The following PLPPR1 variants were observed in gnomAD, a reference collection of about 807,000 sequenced individuals.
PLPPR1 encodes the protein phospholipid phosphatase related 1.
PLPPR1 carries 10 observed loss-of-function variants against 33.1 expected under a neutral mutation model. The ratio of observed to expected loss-of-function variants is 0.30; its 90% CI spans 0.19 to 0.51. The LOEUF is 0.51. PLPPR1 is among the 20% of genes least tolerant of loss of function. The probability of loss-of-function intolerance (pLI) is 0.97; values close to 1 mark genes in which losing one functional copy is unlikely to be tolerated. For missense variants in PLPPR1, 304 were observed against 408.1 expected (o/e 0.74, Z 2.20); for synonymous variants, 151 against 151.0 (o/e 1.00, Z 0.00).
intron 1 of PLPPR1, among the ~76,000 whole-genome samples, chr9:101,067,828 G>A (rs562503806): frequency 1.2e-4 from 19 of 152,178 alleles, no homozygotes; most frequent in African/African-American, 3.9e-4. Context: ...GAAAAGCCAT[G>A]TGTTTAAATC....
chr9:101,184,451 T>C (rs1333969910), intron 1 of PLPPR1, among the ~76,000 whole-genome samples: 1 of 151,948 alleles, frequency 6.6e-6, no homozygotes, highest in Non-Finnish European at 1.5e-5. Context: ...GCCATTCAAA[T>C]AGACTGGTAC....
chr9:101,225,305 A>G (rs961403857), intron 2 of PLPPR1, among the ~76,000 whole-genome samples: 1 of 152,190 alleles, frequency 6.6e-6, no homozygotes, highest in African/African-American at 2.4e-5. Flanking sequence ...AATACATGAC[A>G]TCTTTAATGT....
At chr9:101,221,711 C>T (rs1259233085) in intron 2 of PLPPR1, among the ~76,000 whole-genome samples, 13 of 152,108 alleles carry the variant, frequency 8.5e-5, no homozygotes, top group African/African-American at 3.1e-4. Flanking sequence ...CTGCAGGAAG[C>T]AGTACACAGG....
chr9:101,144,912 C>T (rs77610314), intron 1 of PLPPR1, among the ~76,000 whole-genome samples: 1 of 152,148 alleles, frequency 6.6e-6, no homozygotes, highest in Admixed American at 6.6e-5. Context: ...TTTCAACATG[C>T]CAAATACTTT....
chr9:101,274,871 G>T (rs969555835), intron 3 of PLPPR1, among the ~76,000 whole-genome samples: 4 of 152,142 alleles, frequency 2.6e-5, no homozygotes, highest in Non-Finnish European at 4.4e-5. Flanking sequence ...TGTGGGTTCA[G>T]TTTCCTCATC....
At chr9:101,065,935 CT>C (rs1286300206) in intron 1 of PLPPR1, among the ~76,000 whole-genome samples, 1 of 152,032 alleles carries the variant, frequency 6.6e-6, no homozygotes, top group African/African-American at 2.4e-5. Flanking sequence ...TACTATGGTA[CT>C]TTTGTCCCAA....
chr9:101,219,044 T>G (rs1357290095), intron 2 of PLPPR1, among the ~76,000 whole-genome samples: 1 of 152,184 alleles, frequency 6.6e-6, no homozygotes, highest in Non-Finnish European at 1.5e-5. Flanking sequence ...GAGGAAAGGA[T>G]AGTTTTTAAA....
intron 1 of PLPPR1, among the ~76,000 whole-genome samples, chr9:101,036,816 G>A (rs1197590924): frequency 2.6e-5 from 4 of 151,664 alleles, no homozygotes; most frequent in African/African-American, 9.7e-5. Flanking sequence ...TGTACCATAC[G>A]AGCTACTACT....
chr9:101,090,974 C>G (rs1830734230), intron 1 of PLPPR1, among the ~76,000 whole-genome samples: 1 of 151,720 alleles, frequency 6.6e-6, no homozygotes, highest in Non-Finnish European at 1.5e-5. Flanking sequence ...TCCCCTCCTC[C>G]CTTTTCTTCT....
chr9:101,145,472 C>T (rs1022901548), intron 1 of PLPPR1, among the ~76,000 whole-genome samples: 1 of 152,040 alleles, frequency 6.6e-6, no homozygotes, highest in Non-Finnish European at 1.5e-5. Context: ...ACCTCCGCCT[C>T]CCAGGTTCAA....
chr9:101,152,687 G>T lies in PLPPR1; in HGVS notation c.-45-32763G>T, dbSNP rs943659188. Among the ~76,000 whole-genome samples, 8 of 151,890 alleles carry T rather than the reference G, an allele frequency of 5.3e-5. No homozygotes were observed. In the South Asian group the frequency reaches 1.3e-3, roughly 24 times the overall value. ...TCCCCATTTCTTGTTTTTGTCAGGT[G>T]TGTCAAAGGTCAGATGGTGGTAGAT... On this transcript the variant is annotated intron_variant, in intron 1 of 7. Transcript: ENST00000374874.
chr9:101,098,393 A>C (rs1265646589), intron 1 of PLPPR1, among the ~76,000 whole-genome samples: 1 of 152,108 alleles, frequency 6.6e-6, no homozygotes, highest in Admixed American at 6.5e-5. Context: ...CAATCGAGGC[A>C]CTTCTGCAAC....
chr9:101,039,583 C>T (rs1197300738), intron 1 of PLPPR1, among the ~76,000 whole-genome samples: 1 of 152,210 alleles, frequency 6.6e-6, no homozygotes, highest in South Asian at 2.1e-4. Context: ...TAAAGACATA[C>T]CTGAGACTGG....
At chr9:101,072,118 G>A (rs1273131928) in intron 1 of PLPPR1, among the ~76,000 whole-genome samples, 1 of 152,074 alleles carries the variant, frequency 6.6e-6, no homozygotes, top group Non-Finnish European at 1.5e-5. Flanking sequence ...TAGTTAGATA[G>A]CCTATTTACT....
Position 101,251,169 on chromosome 9 carries a change from C to G in PLPPR1, c.64-18711C>G, listed in dbSNP as rs187727629. Among the ~76,000 whole-genome samples the G allele has an allele frequency of 3.0e-4, 45 of 152,136 alleles. 1 individual carries two copies. The East Asian group carries it at 7.4e-3, about 25-fold the overall frequency. ...TAAACCGATAGCCCCCAAATTTGTT[C>G]CTTTTACAGCCTCTCCCATGTGGAC... On this transcript the variant is annotated intron_variant, in intron 2 of 7. Transcript: ENST00000374874.
At chr9:101,073,607 G>A (rs1830505320) in intron 1 of PLPPR1, among the ~76,000 whole-genome samples, 1 of 152,138 alleles carries the variant, frequency 6.6e-6, no homozygotes, top group Non-Finnish European at 1.5e-5. Context: ...GGTCATTGCT[G>A]AATACCTAGA....
At chr9:101,126,533 C>G (rs984057843) in intron 1 of PLPPR1, among the ~76,000 whole-genome samples, 3 of 152,158 alleles carry the variant, frequency 2.0e-5, no homozygotes, top group African/African-American at 7.2e-5. Flanking sequence ...AGATATGCCT[C>G]GGTTTATTGA....
chr9:101,304,817 T>G (rs1192596512), intron 4 of PLPPR1, among the ~76,000 whole-genome samples: 1 of 152,136 alleles, frequency 6.6e-6, no homozygotes, highest in Non-Finnish European at 1.5e-5. Context: ...GTCCTCACTG[T>G]GTGGCTCATT....
At chr9:101,267,091 T>A (rs1423454618) in intron 2 of PLPPR1, among the ~76,000 whole-genome samples, 1 of 152,142 alleles carries the variant, frequency 6.6e-6, no homozygotes, top group African/African-American at 2.4e-5. Context: ...AAATCCCAGA[T>A]CAGCCCTTTG....
Sources: allele counts gnomAD v4.1 joint callset (sites outside exome capture counted in the v4.1 genomes callset), GRCh38; gene constraint gnomAD v4.1.1; transcripts MANE v1.5; gene names NCBI Gene and HGNC (gene_info 2026-07-23, HGNC 2026-07-21).